OR2W3: variants seen among roughly 807,000 people sequenced by gnomAD.
OR2W3 encodes the protein olfactory receptor 2W3.
For missense variants in OR2W3, 448 were observed against 397.0 expected, an observed-to-expected ratio of 1.13 and a Z score of -1.09; for synonymous variants, 196 against 168.2, an observed-to-expected ratio of 1.17 and a Z score of -1.28.
rs1659605912 is a variant in OR2W3 at position 247,896,200 on chromosome 1, G to A, written c.614G>A (p.Gly205Asp). The change falls in exon 1 of 1, where the codon GGT becomes GAT. Residue 205 changes from glycine (G) to aspartate (D), a missense_variant. Gly to Asp is a moderately conservative substitution (Grantham distance 94). Transcript: ENST00000360358. ...GGCACCGTCTTTGTCCTGGCGGTGG[G>A]TGTTGTGCTGTCCCCCTTGGTGTTT... The part of the protein sequence containing the change: ...IEGTVFVLAV[G>D]VVLSPLVFIL... 1 of 1,614,204 alleles carries A rather than the reference G, an allele frequency of 6.2e-7. No individual in the cohort carries two copies. Among genetic ancestry groups the A allele is most frequent in the East Asian group, 2.2e-5 (1 of 44,870 alleles).
In OR2W3 at chr1:247,896,210, GT is replaced by G; in HGVS notation, c.625del (p.Ser209ProfsTer14). On this transcript the variant is annotated frameshift_variant, in exon 1 of 1. Coordinates refer to ENST00000360358, the MANE Select transcript of OR2W3 (RefSeq NM_001001957.2). LOFTEE classifies it low-confidence loss of function (END_TRUNC). ...TTGTCCTGGCGGTGGGTGTTGTGCT[GT>G]CCCCCTTGGTGTTTATCCTGCTCTC... The part of the protein sequence containing the change: ...VFVLAVGVVL[S>X]PLVFILLSYS... 6.2e-7 allele frequency: 1 copy of G among 1,614,192 alleles called. No individual in the cohort carries two copies. Among genetic ancestry groups the G allele is most frequent in the Non-Finnish European group, 8.5e-7 (1 of 1,180,022 alleles).
rs771642894 is a variant in OR2W3 at position 247,896,230 on chromosome 1, T to C, written c.644T>C (p.Leu215Pro). The C allele has an allele frequency of 6.2e-7, 1 of 1,614,250 alleles. No homozygotes were observed. Among genetic ancestry groups the C allele is most frequent in the Non-Finnish European group, 8.5e-7 (1 of 1,180,038 alleles). The change falls in exon 1 of 1, where the codon CTG (leucine) becomes CCG (proline). Residue 215 changes from leucine to proline, a missense_variant. Physicochemically the swap from Leu to Pro is moderately conservative, Grantham distance 98. Coordinates refer to ENST00000360358, the MANE Select transcript of OR2W3 (RefSeq NM_001001957.2). ...GVVLSPLVFI[L>P]LSYSYIVRAV... ...GTGCTGTCCCCCTTGGTGTTTATCC[T>C]GCTCTCTTACAGCTACATTGTGAGG... is the stretch of plus-strand genomic sequence containing the variant.
chr1:247,895,907 G>A lies in OR2W3; in HGVS notation c.321G>A (p.Leu107=). 5.0e-6 allele frequency: 8 copies of A among 1,614,140 alleles called. No homozygotes were observed. The highest frequency in any genetic ancestry group is 1.6e-4 in the Middle Eastern group (1 of 6,062). The change falls in exon 1 of 1, where the codon CTG becomes CTA. Residue 107 remains leucine (L), a synonymous_variant. Transcript: ENST00000360358. The part of the protein sequence containing the change: ...CAIQLFLFLG[L]GGVECLLLAV... ...TCCAGCTCTTCCTGTTCCTGGGTCT[G>A]GGTGGTGTGGAGTGCCTGCTTCTGG...
Position 247,896,248 on chromosome 1 carries a change from T to C in OR2W3, c.662T>C (p.Ile221Thr). 7 of 1,614,154 alleles carry C rather than the reference T, an allele frequency of 4.3e-6. No homozygotes were observed. The highest frequency in any genetic ancestry group is 5.9e-6 in the Non-Finnish European group (7 of 1,180,010). The change falls in exon 1 of 1, where the codon ATT becomes ACT. Residue 221 changes from isoleucine to threonine, a missense_variant. Physicochemically the swap from Ile to Thr is moderately conservative, Grantham distance 89. Coordinates refer to ENST00000360358, the MANE Select transcript of OR2W3 (RefSeq NM_001001957.2). ...LVFILLSYSY[I>T]VRAVLQIRSA... is the part of the protein sequence containing the mutation. ...TTTATCCTGCTCTCTTACAGCTACA[T>C]TGTGAGGGCTGTGTTACAAATTCGG...
Position 247,896,216 on chromosome 1 carries a change from C to T in OR2W3, c.630C>T (p.Pro210=), listed in dbSNP as rs759183657. Residue 210 remains proline, a synonymous_variant, in exon 1 of 1, where the codon CCC becomes CCT. Coordinates refer to ENST00000360358, the MANE Select transcript of OR2W3 (RefSeq NM_001001957.2). ...FVLAVGVVLS[P]LVFILLSYSY... Reference sequence around the variant, plus strand: ...TGGCGGTGGGTGTTGTGCTGTCCCCCTTGGTGTTTATCCTGCTCTCTTACA... The same window carrying T: ...TGGCGGTGGGTGTTGTGCTGTCCCCTTTGGTGTTTATCCTGCTCTCTTACA... The T allele has an allele frequency of 6.2e-7, 1 of 1,614,188 alleles. No homozygotes were observed. Among genetic ancestry groups the T allele is most frequent in the Non-Finnish European group, 8.5e-7 (1 of 1,180,018 alleles).
chr1:247,896,138 G>A lies in OR2W3; in HGVS notation c.552G>A (p.Leu184=), dbSNP rs1192726573. The change falls in exon 1 of 1, where the codon CTG becomes CTA. Residue 184 remains leucine, a synonymous_variant. Coordinates refer to ENST00000360358, the MANE Select transcript of OR2W3 (RefSeq NM_001001957.2). The part of the protein sequence containing the change: ...VDHFLREMPA[L]IRMACVSTVA... ...ACTTCCTGCGTGAGATGCCCGCCCT[G>A]ATCCGGATGGCCTGCGTCAGCACTG... 2 of 1,614,076 alleles carry A rather than the reference G, an allele frequency of 1.2e-6. No homozygotes were observed. Among genetic ancestry groups the A allele is most frequent in the Admixed American group, 1.7e-5 (1 of 60,002 alleles).
chr1:247,896,403 T>C lies in OR2W3; in HGVS notation c.817T>C (p.Phe273Leu). The C allele has an allele frequency of 3.7e-6, 6 of 1,613,796 alleles. No individual in the cohort carries two copies. Among genetic ancestry groups the C allele is most frequent in the Non-Finnish European group, 5.1e-6 (6 of 1,179,740 alleles). The stretch of plus-strand genomic sequence containing the variant: ...CAGTTCTTCCCAGGACCAGGGCATG[T>C]TCCTCATGCTCTTCTACAACATTGT... ...GASSSQDQGM[F>L]LMLFYNIVTP... The change falls in exon 1 of 1, where the codon TTC becomes CTC. Residue 273 changes from phenylalanine (F) to leucine (L), a missense_variant. Phe to Leu is a conservative substitution (Grantham distance 22). Coordinates refer to ENST00000360358, the MANE Select transcript of OR2W3 (RefSeq NM_001001957.2).
Position 247,895,786 on chromosome 1 carries a change from C to G in OR2W3, c.200C>G (p.Ser67Cys). 1 of 1,614,030 alleles carries G rather than the reference C, an allele frequency of 6.2e-7. No individual in the cohort carries two copies. The highest frequency in any genetic ancestry group is 8.5e-7 in the Non-Finnish European group (1 of 1,179,926). The change falls in exon 1 of 1, where the codon TCC becomes TGC. Residue 67 changes from serine to cysteine, a missense_variant. Physicochemically the swap from Ser to Cys is moderately radical, Grantham distance 112 (BLOSUM62 -1). Coordinates refer to ENST00000360358, the MANE Select transcript of OR2W3 (RefSeq NM_001001957.2). Reference sequence around the variant, plus strand: ...ATGTACTTCTTCCTCGCCCACCTTTCCTTCCTGGACCTCAGTTTCACCACC... The same window carrying G: ...ATGTACTTCTTCCTCGCCCACCTTTGCTTCCTGGACCTCAGTTTCACCACC... The part of the protein sequence containing the change: ...TPMYFFLAHL[S>C]FLDLSFTTSS...
rs1016228378 is a variant in OR2W3, at chr1:247,896,429, C to T, written c.843C>T (p.Val281=). 1 of 1,613,052 alleles carries T rather than the reference C, an allele frequency of 6.2e-7. No individual in the cohort carries two copies. ...GMFLMLFYNI[V]TPLLNPLIYT... ...TCCTCATGCTCTTCTACAACATTGTCACCCCCCTCCTCAATCCTCTCATCT... is the reference window on the plus strand; with the variant it reads ...TCCTCATGCTCTTCTACAACATTGTTACCCCCCTCCTCAATCCTCTCATCT... The change falls in exon 1 of 1, where the codon GTC becomes GTT. Residue 281 remains valine (V), a synonymous_variant. Coordinates refer to ENST00000360358, the MANE Select transcript of OR2W3 (RefSeq NM_001001957.2).
Position 247,895,611 on chromosome 1 carries a change from C to G in OR2W3, c.25C>G (p.Gln9Glu), listed in dbSNP as rs1297667887. 1 of 1,612,410 alleles carries G rather than the reference C, an allele frequency of 6.2e-7. No homozygotes were observed. Among genetic ancestry groups the G allele is most frequent in the South Asian group, 1.1e-5 (1 of 90,904 alleles). MDGTNGST[Q>E]THFILLGFSD... ...GATGGATGGAACCAATGGCAGCACC[C>G]AAACCCATTTCATCCTACTGGGATT... The change falls in exon 1 of 1, where the codon CAA becomes GAA. Residue 9 changes from glutamine (Q) to glutamate (E), a missense_variant. Physicochemically the swap from Gln to Glu is conservative, Grantham distance 29. Coordinates refer to ENST00000360358, the MANE Select transcript of OR2W3 (RefSeq NM_001001957.2).
chr1:247,896,176 G>A lies in OR2W3; in HGVS notation c.590G>A (p.Gly197Asp). 1 of 1,614,006 alleles carries A rather than the reference G, an allele frequency of 6.2e-7. No homozygotes were observed. Among genetic ancestry groups the A allele is most frequent in the Non-Finnish European group, 8.5e-7 (1 of 1,179,844 alleles). The part of the protein sequence containing the change: ...MACVSTVAIE[G>D]TVFVLAVGVV... ...TGCGTCAGCACTGTGGCCATCGAAG[G>A]CACCGTCTTTGTCCTGGCGGTGGGT... Residue 197 changes from glycine to aspartate, a missense_variant, in exon 1 of 1, where the codon GGC becomes GAC. By Grantham distance (94) the Gly-to-Asp change is moderately conservative. Transcript: ENST00000360358.
Position 247,896,507 on chromosome 1 carries a change from G to A in OR2W3, c.921G>A (p.Gly307=), listed in dbSNP as rs774936311. 3.1e-6 allele frequency: 5 copies of A among 1,611,548 alleles called. No individual in the cohort carries two copies. The Admixed American group carries it at 8.3e-5, about 27-fold the overall frequency. The stretch of plus-strand genomic sequence containing the variant: ...GGGCACTGGGAAGGTTGCTTCTGGG[G>A]AAGAGAGAGCTAGGAAAGGAGTAAA... ...VKGALGRLLL[G]KRELGKE The change falls in exon 1 of 1, where the codon GGG becomes GGA. Residue 307 remains glycine, a synonymous_variant. Coordinates refer to ENST00000360358, the MANE Select transcript of OR2W3 (RefSeq NM_001001957.2).
At position 247,895,709 on chromosome 1, in the gene OR2W3, C is replaced by T; in HGVS notation, c.123C>T (p.Gly41=). The T allele has an allele frequency of 6.2e-7, 1 of 1,613,892 alleles. No homozygotes were observed. Among genetic ancestry groups the T allele is most frequent in the Non-Finnish European group, 8.5e-7 (1 of 1,179,810 alleles). ...ILIAYLLTLV[G]NTTIILVSRL... Reference sequence around the variant, plus strand: ...TCGCGTACCTCCTGACCCTCGTAGGCAACACCACCATCATCCTGGTGTCCC... The same window carrying T: ...TCGCGTACCTCCTGACCCTCGTAGGTAACACCACCATCATCCTGGTGTCCC... Residue 41 remains glycine, a synonymous_variant, in exon 1 of 1, where the codon GGC becomes GGT. Transcript: ENST00000360358.
chr1:247,896,079 C>T lies in OR2W3; in HGVS notation c.493C>T (p.Arg165Cys), dbSNP rs759398397. The change falls in exon 1 of 1, where the codon CGC (arginine) becomes TGC (cysteine). Residue 165 changes from arginine (R) to cysteine (C), a missense_variant. Transcript: ENST00000360358. ...CTTGGCCATGTCTCCTGTGACCCTGCGCTTACCCCGCTGTGGGCACCACGA... is the reference window on the plus strand; with the variant it reads ...CTTGGCCATGTCTCCTGTGACCCTGTGCTTACCCCGCTGTGGGCACCACGA... ...NSLAMSPVTL[R>C]LPRCGHHEVD... The T allele has an allele frequency of 2.0e-5, 32 of 1,614,058 alleles. No homozygotes were observed. The South Asian group carries it at 2.6e-4, about 13-fold the overall frequency.
rs1406691252 is a variant in OR2W3, at chr1:247,896,520, G to C, written c.934G>C (p.Gly312Arg). ...GTTGCTTCTGGGGAAGAGAGAGCTA[G>C]GAAAGGAGTAAAGGCATCTCCACCT... ...GRLLLGKRELGKE is the reference protein window; with the variant it reads ...GRLLLGKRELRKE Residue 312 changes from glycine to arginine, a missense_variant, in exon 1 of 1, where the codon GGA becomes CGA. Physicochemically the swap from Gly to Arg is moderately radical, Grantham distance 125 (BLOSUM62 -2). Transcript: ENST00000360358. The C allele has an allele frequency of 1.9e-6, 3 of 1,606,502 alleles. No homozygotes were observed. In the South Asian group the frequency reaches 3.3e-5, roughly 18 times the overall value.
At position 247,896,424 on chromosome 1, in the gene OR2W3, A is replaced by T. The variant is rs1659612637; in HGVS notation, c.838A>T (p.Ile280Phe). Residue 280 changes from isoleucine to phenylalanine, a missense_variant, in exon 1 of 1, where the codon ATT becomes TTT. Physicochemically the swap from Ile to Phe is conservative, Grantham distance 21. Coordinates refer to ENST00000360358, the MANE Select transcript of OR2W3 (RefSeq NM_001001957.2). ...QGMFLMLFYN[I>F]VTPLLNPLIY... ...CATGTTCCTCATGCTCTTCTACAAC[A>T]TTGTCACCCCCCTCCTCAATCCTCT... 6.2e-7 allele frequency: 1 copy of T among 1,612,534 alleles called. No individual in the cohort carries two copies. Among genetic ancestry groups the T allele is most frequent in the African/African-American group, 1.3e-5 (1 of 74,522 alleles).
chr1:247,895,845 G>C lies in OR2W3; in HGVS notation c.259G>C (p.Gly87Arg). The C allele has an allele frequency of 6.2e-7, 1 of 1,614,002 alleles. No individual in the cohort carries two copies. Among genetic ancestry groups the C allele is most frequent in the Non-Finnish European group, 8.5e-7 (1 of 1,179,976 alleles). The change falls in exon 1 of 1, where the codon GGA (glycine) becomes CGA (arginine). Residue 87 changes from glycine to arginine, a missense_variant. Physicochemically the swap from Gly to Arg is moderately radical, Grantham distance 125. Coordinates refer to ENST00000360358, the MANE Select transcript of OR2W3 (RefSeq NM_001001957.2). The stretch of plus-strand genomic sequence containing the variant: ...CCCCCAGCTGCTCTACAACCTTAAT[G>C]GATGTGACAAGACCATCAGCTACAT... ...SIPQLLYNLN[G>R]CDKTISYMGC...
rs1659612600 is a variant in OR2W3, at chr1:247,896,423, C to T, written c.837C>T (p.Asn279=). The change falls in exon 1 of 1, where the codon AAC becomes AAT. Residue 279 remains asparagine (N), a synonymous_variant. Transcript: ENST00000360358. ...DQGMFLMLFY[N]IVTPLLNPLI... is the part of the protein sequence containing the mutation. ...GCATGTTCCTCATGCTCTTCTACAA[C>T]ATTGTCACCCCCCTCCTCAATCCTC... 1 of 1,613,574 alleles carries T rather than the reference C, an allele frequency of 6.2e-7. No individual in the cohort carries two copies.
rs1659599710 is a variant in OR2W3, at chr1:247,895,964, C to A, written c.378C>A (p.Ile126=). 6.2e-7 allele frequency: 1 copy of A among 1,614,024 alleles called. No homozygotes were observed. Among genetic ancestry groups the A allele is most frequent in the Non-Finnish European group, 8.5e-7 (1 of 1,180,016 alleles). Residue 126 remains isoleucine, a synonymous_variant, in exon 1 of 1, where the codon ATC becomes ATA. Coordinates refer to ENST00000360358, the MANE Select transcript of OR2W3 (RefSeq NM_001001957.2). The part of the protein sequence containing the change: ...AVMAYDRCVA[I]CKPLHYMVIM... Reference sequence around the variant, plus strand: ...TGGCCTATGACCGGTGTGTGGCTATCTGCAAGCCCCTGCACTACATGGTGA... The same window carrying A: ...TGGCCTATGACCGGTGTGTGGCTATATGCAAGCCCCTGCACTACATGGTGA...
Sources: gnomAD v4.1 joint callset for allele counts on GRCh38, gnomAD v4.1.1 for gene constraint, MANE v1.5 for transcripts, NCBI Gene and HGNC (gene_info 2026-07-23, HGNC 2026-07-21) for gene names.